Variants in IFFO2 observed in about 807,000 individuals in gnomAD.
IFFO2 encodes the protein intermediate filament family orphan 2.
In IFFO2, 19 loss-of-function variants were observed where a neutral mutation model predicts 53.5. That is an observed-to-expected ratio of 0.36 (90% CI 0.25 to 0.52). The LOEUF (loss-of-function observed/expected upper bound fraction) is 0.52. Among genes scored for constraint, IFFO2 ranks in the 20% least tolerant of loss-of-function variants. The pLI, the probability that IFFO2 is intolerant of heterozygous loss-of-function variation, is 0.94. For missense variants in IFFO2, 570 were observed against 727.4 expected, an observed-to-expected ratio of 0.78 and a Z score of 2.49; for synonymous variants, 303 against 313.6, an observed-to-expected ratio of 0.97 and a Z score of 0.36.
In IFFO2 at chr1:18,919,528, CATCCAAT is replaced by C; in HGVS notation, c.822+143_822+149del. ...GGAGGAGGGTGCCTGGTCTCCGATG[CATCCAAT>C]GCATCCGTCATCCTCATGGTCAAAC... On this transcript the variant is annotated intron_variant, in intron 3 of 8. Transcript: ENST00000455833. This position sits in a 1 kb window ranked among gnomAD's most constrained non-coding sequence, Gnocchi z 4.9. 1.6e-6 allele frequency: 1 copy of C among 645,082 alleles called. No individual in the cohort carries two copies. The highest frequency in any genetic ancestry group is 2.8e-6 in the Non-Finnish European group (1 of 355,026). 40.0% of individuals were successfully genotyped at this position (645,082 alleles called of 1,614,324 possible). A position where few individuals can be genotyped will look rare whatever the true frequency, so the allele number is the denominator to read the frequency against.
At chr1:18,925,844 A>ATTGGT (rs1936278188) in intron 1 of IFFO2, among the ~76,000 whole-genome samples, 1 of 57,964 alleles carries the variant, frequency 1.7e-5, no homozygotes, top group Non-Finnish European at 3.5e-5. Flanking sequence ...GGATGGATGG[A>ATTGGT]TGGATGGATT....
chr1:18,908,921 T>G (rs1194464982), intron 8 of IFFO2, among the ~76,000 whole-genome samples: 2 of 152,156 alleles, frequency 1.3e-5, no homozygotes, highest in Non-Finnish European at 2.9e-5. Flanking sequence ...GTGGATCAAG[T>G]TTGGCTGTTA....
Position 18,918,983 on chromosome 1 carries a change from C to T in IFFO2, c.823-481G>A, listed in dbSNP as rs1428883288. ...TGAGAGGGAGCCCAGTGGCCTCCAA[C>T]TAGGGTCCTGGGAGGCTTCTACCAA... On this transcript the variant is annotated intron_variant, in intron 3 of 8. Transcript: ENST00000455833. The surrounding 1 kb of genome is among the most constrained non-coding windows in gnomAD (Gnocchi z 5.2). Among the ~76,000 whole-genome samples the T allele has an allele frequency of 6.6e-6, 1 of 152,116 alleles. No individual in the cohort carries two copies.
chr1:18,913,716 C>T (rs1936079895), intron 5 of IFFO2, among the ~76,000 whole-genome samples: 1 of 152,228 alleles, frequency 6.6e-6, no homozygotes, highest in Non-Finnish European at 1.5e-5. Context: ...ATGGGAAAGG[C>T]CCAGGGCCCC....
chr1:18,929,878 A>T (rs952933370), intron 1 of IFFO2, among the ~76,000 whole-genome samples: 28 of 152,204 alleles, frequency 1.8e-4, no homozygotes, highest in African/African-American at 6.8e-4. Flanking sequence ...AAACTGGATG[A>T]ATTCTAAGGG....
intron 1 of IFFO2, among the ~76,000 whole-genome samples, chr1:18,932,827 G>A (rs759883730): frequency 1.3e-5 from 2 of 152,168 alleles, no homozygotes; most frequent in African/African-American, 2.4e-5. Context: ...GCAACACACC[G>A]ACAGTCAAGA....
chr1:18,910,194 GAT>G, intron 8 of IFFO2, 146 bp downstream of exon 8: 1 of 865,062 alleles, frequency 1.2e-6, no homozygotes, highest in East Asian at 3.4e-5. Flanking sequence ...TCACTGGATG[GAT>G]GGATGGATGG....
chr1:18,932,456 T>A (rs988438713), intron 1 of IFFO2, among the ~76,000 whole-genome samples: 3 of 152,200 alleles, frequency 2.0e-5, no homozygotes, highest in Non-Finnish European at 4.4e-5. Context: ...CAGACTGGGA[T>A]GCCAGGAGGG....
At chr1:18,911,356 G>C (rs372205697) in intron 7 of IFFO2, 28 bp downstream of exon 7, 1 of 1,260,286 alleles carries the variant, frequency 7.9e-7, no homozygotes, top group South Asian at 1.6e-5. Flanking sequence ...AGAGCCTCAC[G>C]AGTGGGCTCC....
chr1:18,918,621 T>G lies in IFFO2; in HGVS notation c.823-119A>C. ...GGGTGGTGCGGGGAGGCCTCCAGAG[T>G]CCGAGGGTGCCTTGGGCTTTTCCGT... is the stretch of plus-strand genomic sequence containing the variant. On this transcript the variant is annotated intron_variant, in intron 3 of 8. Transcript: ENST00000455833. The surrounding 1 kb of genome is among the most constrained non-coding windows in gnomAD (Gnocchi z 5.2). 2 of 890,572 alleles carry G rather than the reference T, an allele frequency of 2.2e-6. No individual in the cohort carries two copies. The allele number at this position is 890,572 out of a possible 1,614,324, so 55.2% of individuals were successfully genotyped here.
rs1936725648 is a variant in IFFO2 at position 18,956,236 on chromosome 1, C to A, written c.97G>T (p.Gly33Cys). The A allele has an allele frequency of 2.5e-6, 3 of 1,208,866 alleles. No individual in the cohort carries two copies. Among genetic ancestry groups the A allele is most frequent in the Non-Finnish European group, 3.2e-6 (3 of 945,094 alleles). 74.9% of individuals were successfully genotyped at this position (1,208,866 alleles called of 1,614,324 possible). A position where few individuals can be genotyped will look rare whatever the true frequency, so the allele number is the denominator to read the frequency against. Reference sequence around the variant, plus strand: ...GGCGACGGACCCGGCCCTGCCCCGCCGCCGCCGCCGCCCCCGCCAGGGCAG... The same window carrying A: ...GGCGACGGACCCGGCCCTGCCCCGCAGCCGCCGCCGCCCCCGCCAGGGCAG... ...GGCPGGGGGG[G>C]GAGPGPSPVT... The change falls in exon 1 of 9, where the codon GGC (glycine) becomes TGC (cysteine). Residue 33 changes from glycine (G) to cysteine (C), a missense_variant. Gly to Cys is a radical substitution (Grantham distance 159). Coordinates refer to ENST00000455833, the MANE Select transcript of IFFO2 (RefSeq NM_001136265.2). The surrounding 1 kb of genome is among the most constrained non-coding windows in gnomAD (Gnocchi z 6.4).
At position 18,936,323 on chromosome 1, in the gene IFFO2, A is replaced by G. The variant is rs555152108; in HGVS notation, c.666-15202T>C. 6.6e-5 allele frequency among the ~76,000 whole-genome samples: 10 copies of G among 152,290 alleles called. No individual in the cohort carries two copies. In the South Asian group the frequency reaches 1.9e-3, roughly 28 times the overall value. On this transcript the variant is annotated intron_variant, in intron 1 of 8. Coordinates refer to ENST00000455833, the MANE Select transcript of IFFO2 (RefSeq NM_001136265.2). The surrounding 1 kb of genome is among the most constrained non-coding windows in gnomAD (Gnocchi z 4.5). ...CCTTGCATGGAGCAGATGATGGGAA[A>G]GTTGGTGTCCACGGCTCTCCATCCC... is the stretch of plus-strand genomic sequence containing the variant.
chr1:18,920,726 A>G (rs1936204546), intron 2 of IFFO2, among the ~76,000 whole-genome samples: 1 of 152,186 alleles, frequency 6.6e-6, no homozygotes, highest in African/African-American at 2.4e-5. Flanking sequence ...CAAACCACCT[A>G]GTCCAAGCCT....
chr1:18,910,511 C>T, intron 7 of IFFO2, 39 bp from the exon 8 acceptor site: 2 of 1,583,156 alleles, frequency 1.3e-6, no homozygotes, highest in Middle Eastern at 1.7e-4. Context: ...GAGGGCAAGT[C>T]ATCCTCGTGA....
Position 18,936,359 on chromosome 1 carries a change from T to C in IFFO2, c.666-15238A>G, listed in dbSNP as rs534805906. Among the ~76,000 whole-genome samples, 12 of 152,280 alleles carry C rather than the reference T, an allele frequency of 7.9e-5. No individual in the cohort carries two copies. The highest frequency in any genetic ancestry group is 2.2e-4 in the African/African-American group (9 of 41,570). On this transcript the variant is annotated intron_variant, in intron 1 of 8. Transcript: ENST00000455833. The surrounding 1 kb of genome is among the most constrained non-coding windows in gnomAD (Gnocchi z 4.5). ...ACGGCTCTCCATCCCTGGGACATTG[T>C]CTTTCTGCCTAGGCCTGGCCAAGCC...
intron 1 of IFFO2, among the ~76,000 whole-genome samples, chr1:18,938,181 C>T (rs988225835): frequency 3.3e-5 from 5 of 152,234 alleles, no homozygotes; most frequent in African/African-American, 1.2e-4. Flanking sequence ...TCTGCTAAAG[C>T]GACTTTACCT....
Position 18,911,966 on chromosome 1 carries a change from G to T in IFFO2, c.1221C>A (p.Gly407=), listed in dbSNP as rs760814726. The change falls in exon 6 of 9, where the codon GGC becomes GGA. Residue 407 remains glycine (G), a synonymous_variant. Transcript: ENST00000455833. The part of the protein sequence containing the change: ...TNCNPTIDLQ[G]EQEENLGNLI... ...GGAAGCCAGGCGCTGGGCTTACCTCGCCCTGCAGGTCGATGGTCGGATTGC... is the reference window on the plus strand; with the variant it reads ...GGAAGCCAGGCGCTGGGCTTACCTCTCCCTGCAGGTCGATGGTCGGATTGC... 1.9e-6 allele frequency: 3 copies of T among 1,551,512 alleles called. No individual in the cohort carries two copies. Among genetic ancestry groups the T allele is most frequent in the South Asian group, 2.4e-5 (2 of 84,060 alleles).
chr1:18,951,646 T>C (rs1357070523), intron 1 of IFFO2, among the ~76,000 whole-genome samples: 1 of 152,188 alleles, frequency 6.6e-6, no homozygotes, highest in Non-Finnish European at 1.5e-5. Flanking sequence ...CATGGCAACT[T>C]TGTGACAGCT....
chr1:18,933,235 G>C (rs4912079), intron 1 of IFFO2, among the ~76,000 whole-genome samples: 1 of 152,068 alleles, frequency 6.6e-6, no homozygotes, highest in South Asian at 2.1e-4. Context: ...CTGGGCACTG[G>C]CTGCCTTGTG....
Sources: gnomAD v4.1 joint callset for allele counts (sites outside exome capture counted in the v4.1 genomes callset) on GRCh38, gnomAD v4.1.1 for gene constraint, Gnocchi (gnomAD v3.1) non-coding constraint, MANE v1.5 for transcripts, NCBI Gene and HGNC (gene_info 2026-07-23, HGNC 2026-07-21) for gene names.